MAP3K13: variants seen among roughly 807,000 people sequenced by gnomAD.
MAP3K13 encodes leucine zipper-bearing kinase.
MAP3K13 carries 52 observed loss-of-function variants against 104.0 expected under a neutral mutation model. That is an observed-to-expected ratio of 0.50 (90% CI 0.40 to 0.63). The LOEUF (loss-of-function observed/expected upper bound fraction) is 0.63. Among genes scored for constraint, MAP3K13 ranks in the 20% least tolerant of loss-of-function variants. The pLI is 0.00. For synonymous variants in MAP3K13, 394 were observed against 442.2 expected (o/e 0.89, Z 1.37); for missense variants, 914 against 1,218.5 (o/e 0.75, Z 3.72).
At chr3:185,339,963 T>G (rs4687250) in intron 2 of MAP3K13, among the ~76,000 whole-genome samples, 115,572 of 151,670 alleles carry the variant, frequency 0.76, 44,765 homozygotes, top group Middle Eastern at 0.84. Context: ...GAAAAGTTAT[T>G]ATTGTTTTGT....
At chr3:185,291,495 T>C (rs1346786420) in intron 2 of MAP3K13, 12 of 946,852 alleles carry the variant, frequency 1.3e-5, no homozygotes, top group Non-Finnish European at 1.7e-5. Context: ...CCTTTTGTTC[T>C]TTCAGCATGG....
At chr3:185,452,856 A>G (rs1387035180) in intron 7 of MAP3K13, among the ~76,000 whole-genome samples, 1 of 152,144 alleles carries the variant, frequency 6.6e-6, no homozygotes, top group Non-Finnish European at 1.5e-5. Flanking sequence ...CCCAATGCAC[A>G]AGTGATTTCC....
rs1316123081 is a variant in MAP3K13 at position 185,454,503 on chromosome 3, T to TGA, written c.1278+3111_1278+3112dup. On this transcript the variant is annotated intron_variant, in intron 7 of 13. Coordinates refer to ENST00000265026, the MANE Select transcript of MAP3K13 (RefSeq NM_004721.5). ...TATATATGATATATATACATATATA[T>TGA]GAGATATATATGATATATACCATAT... is the stretch of plus-strand genomic sequence containing the variant. Among the ~76,000 whole-genome samples the TGA allele has an allele frequency of 4.7e-5, 5 of 106,334 alleles. 1 individual carries two copies. Among genetic ancestry groups the TGA allele is most frequent in the African/African-American group, 1.8e-4 (5 of 27,110 alleles). The allele number at this position is 106,334 out of a possible 152,430, so 69.8% of individuals were successfully genotyped here.
intron 2 of MAP3K13, among the ~76,000 whole-genome samples, chr3:185,342,735 G>A (rs1016868489): frequency 1.6e-4 from 24 of 152,112 alleles, no homozygotes; most frequent in African/African-American, 5.3e-4. Context: ...AGTTCTGTAG[G>A]TGTATTAATT....
In MAP3K13 at chr3:185,428,762, C is replaced by T; in HGVS notation, c.181C>T (p.His61Tyr). The T allele has an allele frequency of 1.2e-6, 2 of 1,614,196 alleles. No individual in the cohort carries two copies. The highest frequency in any genetic ancestry group is 1.7e-5 in the Admixed American group (1 of 60,020). The change falls in exon 2 of 14, where the codon CAC (histidine) becomes TAC (tyrosine). Residue 61 changes from histidine to tyrosine, a missense_variant. Physicochemically the swap from His to Tyr is moderately conservative, Grantham distance 83 (BLOSUM62 2). Coordinates refer to ENST00000265026, the MANE Select transcript of MAP3K13 (RefSeq NM_004721.5). ...MVRTELIESV[H>Y]SPVTTTVLTS... The stretch of plus-strand genomic sequence containing the variant: ...ACGAACAGAGCTAATCGAGAGCGTG[C>T]ACAGCCCCGTCACCACAACAGTGTT...
chr3:185,388,997 A>T (rs945683197), intron 1 of MAP3K13, among the ~76,000 whole-genome samples: 1 of 152,166 alleles, frequency 6.6e-6, no homozygotes, highest in Non-Finnish European at 1.5e-5. Flanking sequence ...GAGGCAGTAC[A>T]TTCTGGTTAG....
At position 185,313,939 on chromosome 3, in the gene MAP3K13, T is replaced by C. The variant is rs1302825452; in HGVS notation, c.-86+28296T>C. Among the ~76,000 whole-genome samples the C allele has an allele frequency of 2.0e-5, 3 of 152,208 alleles. No homozygotes were observed. The South Asian group carries it at 6.2e-4, about 31-fold the overall frequency. On this transcript the variant is annotated intron_variant, in intron 2 of 14. Transcript: ENST00000424227. ...ATGCTGCTCTGGCAATGCCTCTGTT[T>C]TGGGCTTGGATCCCTGGGGTTTAGG...
chr3:185,448,121 G>A, intron 5 of MAP3K13, 174 bp downstream of exon 5: 1 of 806,814 alleles, frequency 1.2e-6, no homozygotes, highest in South Asian at 1.4e-5. Context: ...TATATGGGGA[G>A]AAGGATTAGG....
intron 1 of MAP3K13, among the ~76,000 whole-genome samples, chr3:185,403,623 T>A (rs191295434): frequency 1.3e-5 from 2 of 152,322 alleles, no homozygotes; most frequent in Non-Finnish European, 2.9e-5. Flanking sequence ...GTCAATTTAT[T>A]TTTTACTGTA....
intron 1 of MAP3K13, among the ~76,000 whole-genome samples, chr3:185,426,478 A>G (rs1273088977): frequency 6.6e-6 from 1 of 152,222 alleles, no homozygotes; most frequent in Non-Finnish European, 1.5e-5. Flanking sequence ...TGAAGATAAG[A>G]AAATAATAAA....
At chr3:185,378,173 C>A (rs747495280) in intron 1 of MAP3K13, among the ~76,000 whole-genome samples, 11 of 152,110 alleles carry the variant, frequency 7.2e-5, no homozygotes, top group Non-Finnish European at 1.3e-4. Context: ...ACCTTGAAGG[C>A]GAGGTTAATT....
rs929805114 is a variant in MAP3K13 at position 185,483,538 on chromosome 3, GAGA to G, written c.*1086_*1088del. The stretch of plus-strand genomic sequence containing the variant: ...CAGGATCACTCAGTTCAGCTACGAG[GAGA>G]AGATGGAACCACCCCTCTCTGGAGC... On this transcript the variant is annotated 3_prime_UTR_variant, in exon 14 of 14. Transcript: ENST00000265026. 8 of 225,836 alleles carry G rather than the reference GAGA, an allele frequency of 3.5e-5. No individual in the cohort carries two copies. Among genetic ancestry groups the G allele is most frequent in the African/African-American group, 1.8e-4 (8 of 44,902 alleles). The allele number at this position is 225,836 out of a possible 1,614,324, so 14.0% of individuals were successfully genotyped here. A position where few individuals can be genotyped will look rare whatever the true frequency, so the allele number is the denominator to read the frequency against.
intron 3 of MAP3K13, among the ~76,000 whole-genome samples, chr3:185,439,162 G>A (rs1715196012): frequency 1.3e-5 from 2 of 152,006 alleles, no homozygotes; most frequent in Admixed American, 1.3e-4. Context: ...TTATGGAAAG[G>A]GAAAGACCTG....
chr3:185,473,495 G>C lies in MAP3K13; in HGVS notation c.2164G>C (p.Gly722Arg). The C allele has an allele frequency of 6.2e-7, 1 of 1,614,194 alleles. No individual in the cohort carries two copies. The highest frequency in any genetic ancestry group is 8.5e-7 in the Non-Finnish European group (1 of 1,180,036). Residue 722 changes from glycine (G) to arginine (R), a missense_variant, in exon 11 of 14, where the codon GGC becomes CGC. Gly to Arg is a moderately radical substitution (Grantham distance 125). Around this residue, in one of 3 missense-constraint regions of MAP3K13, gnomAD observed 583 missense variants for 737.4 expected, o/e 0.79. Coordinates refer to ENST00000265026, the MANE Select transcript of MAP3K13 (RefSeq NM_004721.5). The surrounding 1 kb of genome is among the most constrained non-coding windows in gnomAD (Gnocchi z 4.9). ...EPDKGQAGPW[G>R]CCQADAYDPC... Reference sequence around the variant, plus strand: ...TGACAAGGGCCAAGCTGGTCCCTGGGGCTGTTGCCAGGCTGACGCTTATGA... The same window carrying C: ...TGACAAGGGCCAAGCTGGTCCCTGGCGCTGTTGCCAGGCTGACGCTTATGA...
chr3:185,479,079 C>T (rs1309837697), intron 12 of MAP3K13, among the ~76,000 whole-genome samples: 1 of 151,992 alleles, frequency 6.6e-6, no homozygotes, highest in Non-Finnish European at 1.5e-5. Flanking sequence ...AATTATCTCC[C>T]CAGAAGCGTT....
chr3:185,453,748 G>T lies in MAP3K13; in HGVS notation c.1278+2353G>T, dbSNP rs565826237. 1.7e-4 allele frequency among the ~76,000 whole-genome samples: 25 copies of T among 146,346 alleles called. 2 individuals carry two copies. In the South Asian group the frequency reaches 4.5e-3, roughly 26 times the overall value. ...CACGCCACTGCACTCCACCCTGGGG[G>T]ACAAAGCGAGACTCCGTCTAAAAAA... On this transcript the variant is annotated intron_variant, in intron 7 of 13. Coordinates refer to ENST00000265026, the MANE Select transcript of MAP3K13 (RefSeq NM_004721.5).
rs12636381 is a variant in MAP3K13 at position 185,350,146 on chromosome 3, A to G, written c.-86+64503A>G. On this transcript the variant is annotated intron_variant, in intron 2 of 14. Transcript: ENST00000424227. ...CAAGGATTCTTGAATCGTATTTTCT[A>G]TATTTCCAAAGCACTTCTGTTATCA... is the stretch of plus-strand genomic sequence containing the variant. Among the ~76,000 whole-genome samples, 441 of 152,300 alleles carry G rather than the reference A, an allele frequency of 2.9e-3. 19 individuals are homozygous for G. The East Asian group carries it at 0.076, about 26-fold the overall frequency.
chr3:185,434,367 T>C (rs2148887086), intron 2 of MAP3K13, among the ~76,000 whole-genome samples: 1 of 152,224 alleles, frequency 6.6e-6, no homozygotes, highest in African/African-American at 2.4e-5. Flanking sequence ...TAAACTAAAA[T>C]AGAACCAAAA....
At chr3:185,363,671 A>G (rs945058836) in intron 1 of MAP3K13, among the ~76,000 whole-genome samples, 3 of 152,122 alleles carry the variant, frequency 2.0e-5, no homozygotes, top group African/African-American at 7.2e-5. Flanking sequence ...TCTCTGAGAG[A>G]TGATGTGGAT....
Sources: gnomAD v4.1 joint callset for allele counts (sites outside exome capture counted in the v4.1 genomes callset) on GRCh38, gnomAD v4.1.1 for gene constraint, gnomAD v4.1.1 regional missense constraint, Gnocchi (gnomAD v3.1) non-coding constraint, MANE v1.5 for transcripts, NCBI Gene and HGNC (gene_info 2026-07-23, HGNC 2026-07-21) for gene names.